The following PLCZ1 variants were observed in gnomAD, a reference collection of about 807,000 sequenced individuals.
The protein encoded by PLCZ1 is phospholipase C zeta 1.
A neutral mutation model predicts 76.8 loss-of-function variants in PLCZ1; 64 were observed. The ratio of observed to expected loss-of-function variants is 0.83; its 90% CI spans 0.68 to 1.03. The LOEUF (loss-of-function observed/expected upper bound fraction) is 1.03, where lower values mean the gene tolerates loss of function less well. Ranked by LOEUF, PLCZ1 falls within the 50% of genes least tolerant of loss-of-function variation. The pLI is 0.00. For synonymous variants in PLCZ1, 248 were observed against 230.8 expected, an observed-to-expected ratio of 1.07 and a Z score of -0.68; for missense variants, 751 against 713.7, an observed-to-expected ratio of 1.05 and a Z score of -0.60.
At chr12:18,662,409 C>A in the PLCZ1 span, among the ~76,000 whole-genome samples, 1 of 151,560 alleles carries the variant, frequency 6.6e-6, no homozygotes, top group African/African-American at 2.4e-5. Flanking sequence ...CCCAGATAAA[C>A]AAAAGCTGAG....
chr12:18,737,774 A>G (rs1959567770), intron 1 of PLCZ1, 158 bp downstream of exon 1: 2 of 332,958 alleles, frequency 6.0e-6, no homozygotes, highest in African/African-American at 2.1e-5. Flanking sequence ...CAAACCTTTC[A>G]TCATAATATG....
At chr12:18,688,793 C>T (rs1441622350) in intron 12 of PLCZ1, among the ~76,000 whole-genome samples, 1 of 151,754 alleles carries the variant, frequency 6.6e-6, no homozygotes, top group East Asian at 1.9e-4. Context: ...ATTTAAGGAA[C>T]AAAATGAGCA....
At chr12:18,696,469 T>C (rs954922579) in intron 10 of PLCZ1, among the ~76,000 whole-genome samples, 1 of 150,988 alleles carries the variant, frequency 6.6e-6, no homozygotes, top group Non-Finnish European at 1.5e-5. Context: ...TTCACTATTA[T>C]TTAGATGTTA....
chr12:18,650,690 GTGTGTGTGTGTGTGTATATATC>G, the PLCZ1 span, among the ~76,000 whole-genome samples: 19 of 38,936 alleles, frequency 4.9e-4, no homozygotes, highest in East Asian at 0.012. Context: ...GTGTGTGTGT[GTGTGTGTGTGTGTGTATATATC>G]TATATATATA....
At chr12:18,693,256 TA>T (rs1402279666) in intron 12 of PLCZ1, 200 of 1,540,716 alleles carry the variant, frequency 1.3e-4, no homozygotes, top group Non-Finnish European at 1.6e-4. Context: ...CATACCATGA[TA>T]GGGGTGCTGA....
chr12:18,683,500 A>C (rs1591958243), intron 14 of PLCZ1, 176 bp from the exon 15 acceptor site: 1 of 1,492,548 alleles, frequency 6.7e-7, no homozygotes, highest in East Asian at 2.5e-5. Context: ...TGCATTTTCT[A>C]TTCTGACTTC....
chr12:18,649,963 G>A, the PLCZ1 span, among the ~76,000 whole-genome samples: 2 of 151,732 alleles, frequency 1.3e-5, no homozygotes, highest in Non-Finnish European at 2.9e-5. Flanking sequence ...CTCACCCCTT[G>A]CTCCCCTTTC....
chr12:18,712,069 T>G (rs979827387), intron 6 of PLCZ1, among the ~76,000 whole-genome samples: 5 of 152,156 alleles, frequency 3.3e-5, no homozygotes, highest in Admixed American at 1.3e-4. Flanking sequence ...ATTTGTAAAT[T>G]TAATGTATTA....
intron 12 of PLCZ1, among the ~76,000 whole-genome samples, chr12:18,691,533 G>T (rs540604135): frequency 2.8e-4 from 42 of 152,176 alleles, no homozygotes; most frequent in Middle Eastern, 3.4e-3. Flanking sequence ...CAGAGAAAGA[G>T]GAAGCCACAA....
chr12:18,689,190 C>T (rs1953674690), intron 12 of PLCZ1, among the ~76,000 whole-genome samples: 1 of 152,024 alleles, frequency 6.6e-6, no homozygotes, highest in African/African-American at 2.4e-5. Flanking sequence ...GTCCCAATAC[C>T]ACTATAGACC....
intron 10 of PLCZ1, among the ~76,000 whole-genome samples, chr12:18,698,477 C>T (rs1020734569): frequency 6.6e-6 from 1 of 152,094 alleles, no homozygotes; most frequent in Non-Finnish European, 1.5e-5. Flanking sequence ...CTAAAGTATA[C>T]TTCAAAATCT....
At chr12:18,735,042 T>C (rs1211159733) in intron 3 of PLCZ1, among the ~76,000 whole-genome samples, 1 of 152,220 alleles carries the variant, frequency 6.6e-6, no homozygotes, top group African/African-American at 2.4e-5. Context: ...TCTGTTAATG[T>C]GGTGTATCAC....
downstream of PLCZ1, among the ~76,000 whole-genome samples, chr12:18,682,618 T>G (rs1370012837): frequency 6.6e-6 from 1 of 152,042 alleles, no homozygotes; most frequent in Non-Finnish European, 1.5e-5. Flanking sequence ...GATCCAAGCA[T>G]GTAAGTCCAC....
intron 3 of PLCZ1, among the ~76,000 whole-genome samples, chr12:18,729,522 T>C (rs1012060769): frequency 1.3e-5 from 2 of 152,090 alleles, no homozygotes; most frequent in East Asian, 3.8e-4. Context: ...ATAGATTTAA[T>C]AGTGGCTATT....
intron 3 of PLCZ1, chr12:18,735,736 A>G (rs1306787170): frequency 2.0e-5 from 3 of 149,654 alleles, no homozygotes; most frequent in African/African-American, 5.0e-5. Flanking sequence ...ATTTTATTTG[A>G]CTCCTCTCTC....
Position 18,696,232 on chromosome 12 carries a change from A to G in PLCZ1, c.1209T>C (p.Ile403=). The G allele has an allele frequency of 1.3e-6, 2 of 1,597,908 alleles. No individual in the cohort carries two copies. Among genetic ancestry groups the G allele is most frequent in the Non-Finnish European group, 1.7e-6 (2 of 1,168,942 alleles). Residue 403 remains isoleucine (I), a synonymous_variant, in exon 11 of 15, where the codon ATT becomes ATC. Transcript: ENST00000266505. ...HEFIFHTRKF[I]TRIYPKATRA... is the part of the protein sequence containing the mutation. ...TTGTTGCTTTGGGATATATTCTGGT[A>G]ATGAACTTCCTGGTGTGAAAAATAA...
Position 18,701,560 on chromosome 12 carries a change from G to A in PLCZ1, c.958C>T (p.Gln320Ter). 5.6e-6 allele frequency: 9 copies of A among 1,613,424 alleles called. No homozygotes were observed. Among genetic ancestry groups the A allele is most frequent in the Non-Finnish European group, 7.6e-6 (9 of 1,179,910 alleles). The change falls in exon 9 of 15, where the codon CAA becomes TAA. Residue 320 changes from glutamine (Q) to a stop codon, truncating the protein, a stop_gained. Transcript: ENST00000266505. LOFTEE classifies it high-confidence loss of function. ...TTTTTTACCCCTGTTTCCTTGTCTT[G>A]ATTGTCTCCTAAAACAGATTCCAAT... is the stretch of plus-strand genomic sequence containing the variant. ...RKGSDKRGDNQDKETGVKKLP... is the reference protein window; with the variant it reads ...RKGSDKRGDN
chr12:18,713,073 A>G (rs1347533919), intron 5 of PLCZ1, 87 bp from the exon 6 acceptor site: 1 of 1,523,524 alleles, frequency 6.6e-7, no homozygotes, highest in Non-Finnish European at 9.0e-7. Context: ...AGACCATTTG[A>G]TTTTATAATA....
In PLCZ1 at chr12:18,684,491, G is replaced by T. The variant is rs111685969; in HGVS notation, c.1592-212C>A. The stretch of plus-strand genomic sequence containing the variant: ...ATTGCTGGGCAATGTTCTAAGAATG[G>T]ATCAACTCAATTAATTCTGATAACC... On this transcript the variant is annotated intron_variant, in intron 13 of 14. Transcript: ENST00000266505. 1.2e-3 allele frequency among the ~76,000 whole-genome samples: 176 copies of T among 152,048 alleles called. 1 individual carries two copies. The highest frequency in any genetic ancestry group is 3.9e-3 in the African/African-American group (160 of 41,514).
Sources: allele counts gnomAD v4.1 joint callset (sites outside exome capture counted in the v4.1 genomes callset), GRCh38; gene constraint gnomAD v4.1.1; transcripts MANE v1.5; gene names NCBI Gene and HGNC (gene_info 2026-07-23, HGNC 2026-07-21).